Variants in MCC observed in about 807,000 individuals in gnomAD.
MCC encodes the protein MCC regulator of Wnt signaling pathway.
In MCC, 90 loss-of-function variants were observed where a neutral mutation model predicts 116.2. The observed-to-expected ratio is 0.77, with a 90% confidence interval of 0.65 to 0.92. The LOEUF is 0.92. MCC is among the 40% of genes least tolerant of loss of function. The pLI is 0.00. For synonymous variants in MCC, 578 were observed against 510.5 expected (o/e 1.13, Z -1.78); for missense variants, 1,516 against 1,312.2 (o/e 1.16, Z -2.40).
At chr5:113,073,054 C>A (rs1352866633) in intron 11 of MCC, among the ~76,000 whole-genome samples, 2 of 151,538 alleles carry the variant, frequency 1.3e-5, no homozygotes, top group African/African-American at 4.9e-5. Flanking sequence ...TGTAAACTTT[C>A]TTGAAACATT....
chr5:113,052,614 C>A (rs549242859), intron 15 of MCC, among the ~76,000 whole-genome samples: 6 of 152,262 alleles, frequency 3.9e-5, no homozygotes, highest in African/African-American at 1.4e-4. Flanking sequence ...CTGCTGTTGC[C>A]AGCTCCCCTC....
intron 10 of MCC, 64 bp downstream of exon 10, chr5:113,084,037 T>C: frequency 7.8e-7 from 1 of 1,280,300 alleles, no homozygotes; most frequent in Non-Finnish European, 1.1e-6. Context: ...TTCTGTCATC[T>C]ATAATCCATT....
chr5:113,129,273 AG>A (rs1758284857), intron 5 of MCC, among the ~76,000 whole-genome samples: 2 of 152,130 alleles, frequency 1.3e-5, no homozygotes, highest in South Asian at 4.1e-4. Flanking sequence ...AGGGTCCTAG[AG>A]GTTTAAGAAG....
chr5:113,386,585 T>C (rs1261269621), intron 1 of MCC, among the ~76,000 whole-genome samples: 2 of 152,146 alleles, frequency 1.3e-5, no homozygotes, highest in African/African-American at 4.8e-5. Flanking sequence ...TAAATAAATG[T>C]AAAAGACTCC....
chr5:113,171,277 C>T (rs1228079418), intron 3 of MCC, among the ~76,000 whole-genome samples: 1 of 151,118 alleles, frequency 6.6e-6, no homozygotes, highest in Non-Finnish European at 1.5e-5. Context: ...ACATCTCTGC[C>T]CCAAAATGTA....
At position 113,247,413 on chromosome 5, in the gene MCC, A is replaced by G. The variant is rs1373511203; in HGVS notation, c.627+93106T>C. Among the ~76,000 whole-genome samples, 4 of 152,352 alleles carry G rather than the reference A, an allele frequency of 2.6e-5. No homozygotes were observed. The East Asian group carries it at 7.7e-4, about 29-fold the overall frequency. On this transcript the variant is annotated intron_variant, in intron 3 of 18. Coordinates refer to ENST00000408903, the MANE Select transcript of MCC (RefSeq NM_001085377.2). ...TAAGTCAACAGAAAACTAAGTGAAGAGTAAAGAGAACAAAGCAGGAAAACT... is the reference window on the plus strand; with the variant it reads ...TAAGTCAACAGAAAACTAAGTGAAGGGTAAAGAGAACAAAGCAGGAAAACT...
chr5:113,360,948 T>TTAGC (rs1162841936), intron 2 of MCC, among the ~76,000 whole-genome samples: 1 of 152,224 alleles, frequency 6.6e-6, no homozygotes, highest in South Asian at 2.1e-4. Flanking sequence ...GGACATGCCC[T>TTAGC]TAGCTAGCCC....
At chr5:113,326,029 A>T (rs1420726807) in intron 3 of MCC, among the ~76,000 whole-genome samples, 1 of 152,236 alleles carries the variant, frequency 6.6e-6, no homozygotes, top group Non-Finnish European at 1.5e-5. Flanking sequence ...TTAGGGTTTT[A>T]TTTATATCTT....
chr5:113,080,206 G>A (rs1417145761), intron 11 of MCC, among the ~76,000 whole-genome samples: 1 of 152,232 alleles, frequency 6.6e-6, no homozygotes, highest in Non-Finnish European at 1.5e-5. Context: ...CTGTTGGTGG[G>A]ACTGTAAACT....
rs558476467 is a variant in MCC, at chr5:113,080,165, A to G, written c.1784+2695T>C. Among the ~76,000 whole-genome samples the G allele has an allele frequency of 9.3e-3, 1,418 of 152,280 alleles. 23 individuals carry two copies. The highest frequency in any genetic ancestry group is 0.031 in the African/African-American group (1,300 of 41,540). ...AAGTCAGGAAACAACAGGTGCTGGA[A>G]AGGATGTGGAGAAACAGGAACACTT... On this transcript the variant is annotated intron_variant, in intron 11 of 18. Coordinates refer to ENST00000408903, the MANE Select transcript of MCC (RefSeq NM_001085377.2).
chr5:113,322,234 T>C (rs1767438449), intron 3 of MCC, among the ~76,000 whole-genome samples: 2 of 152,256 alleles, frequency 1.3e-5, no homozygotes, highest in Admixed American at 1.3e-4. Context: ...TGTGGCTTCC[T>C]TGACTTTACC....
intron 3 of MCC, among the ~76,000 whole-genome samples, chr5:113,238,921 C>G (rs1764254416): frequency 6.6e-6 from 1 of 152,152 alleles, no homozygotes; most frequent in Admixed American, 6.6e-5. Flanking sequence ...TCTGCAACAT[C>G]TATTTAATTC....
chr5:113,464,537 C>T (rs185325876), intron 1 of MCC, among the ~76,000 whole-genome samples: 1 of 152,170 alleles, frequency 6.6e-6, no homozygotes, highest in Non-Finnish European at 1.5e-5. Flanking sequence ...TAGCCTCTCA[C>T]CCCTGAACTC....
intron 3 of MCC, among the ~76,000 whole-genome samples, chr5:113,277,519 G>A (rs1765875432): frequency 6.6e-6 from 1 of 152,070 alleles, no homozygotes. Context: ...TTTCTGTAAG[G>A]AGTCCAAGGT....
intron 3 of MCC, chr5:113,294,974 T>C (rs1188912537): frequency 2.0e-6 from 2 of 985,444 alleles, no homozygotes; most frequent in Non-Finnish European, 2.4e-6. Flanking sequence ...GTCTAGCTGC[T>C]GGCCACGGGG....
intron 3 of MCC, among the ~76,000 whole-genome samples, chr5:113,282,997 C>T (rs1266331428): frequency 1.3e-5 from 2 of 152,206 alleles, no homozygotes; most frequent in South Asian, 2.1e-4. Context: ...TAACTCTGTG[C>T]CTGCCTGACA....
At chr5:113,333,975 A>C in intron 3 of MCC, among the ~76,000 whole-genome samples, 1 of 143,512 alleles carries the variant, frequency 7.0e-6, no homozygotes, top group African/African-American at 2.6e-5. Context: ...CTTTTCATCA[A>C]CTTTCTGTTA....
At chr5:113,149,857 G>C (rs1408168783) in intron 4 of MCC, among the ~76,000 whole-genome samples, 1 of 152,116 alleles carries the variant, frequency 6.6e-6, no homozygotes, top group Non-Finnish European at 1.5e-5. Flanking sequence ...AGCTTGGGGA[G>C]AATCAGAGGA....
chr5:113,384,643 TC>T (rs935098936), intron 2 of MCC, among the ~76,000 whole-genome samples: 6 of 152,186 alleles, frequency 3.9e-5, no homozygotes, highest in African/African-American at 9.6e-5. Context: ...TGAAACTTCC[TC>T]CCCAAAGAGC....
Sources: allele counts gnomAD v4.1 joint callset (sites outside exome capture counted in the v4.1 genomes callset), GRCh38; gene constraint gnomAD v4.1.1; transcripts MANE v1.5; gene names NCBI Gene and HGNC (gene_info 2026-07-23, HGNC 2026-07-21).